The following TRIM46 variants were observed in gnomAD, a reference collection of about 807,000 sequenced individuals.
TRIM46 encodes the protein tripartite motif-containing protein 46.
In TRIM46, 17 loss-of-function variants were observed where a neutral mutation model predicts 69.7. The ratio of observed to expected loss-of-function variants is 0.24; its 90% CI spans 0.17 to 0.37. TRIM46 has a LOEUF of 0.37. Among genes scored for constraint, TRIM46 ranks in the 10% least tolerant of loss-of-function variants. TRIM46 has a pLI of 1.00. For missense variants in TRIM46, 675 were observed against 1,025.1 expected, an observed-to-expected ratio of 0.66 and a Z score of 4.66; for synonymous variants, 391 against 429.0, an observed-to-expected ratio of 0.91 and a Z score of 1.09.
In TRIM46 at chr1:155,175,671, G is replaced by A. The variant is rs764525452; in HGVS notation, c.325+24G>A. 1.2e-6 allele frequency: 2 copies of A among 1,612,900 alleles called. No individual in the cohort carries two copies. The highest frequency in any genetic ancestry group is 2.2e-5 in the South Asian group (2 of 91,086). On this transcript the variant is annotated intron_variant, in intron 2 of 9. Coordinates refer to ENST00000334634, the MANE Select transcript of TRIM46 (RefSeq NM_025058.5). This position sits in a 1 kb window ranked among gnomAD's most constrained non-coding sequence, Gnocchi z 4.2. ...AGGTGGGACTGGGGCCTGTAGGGTG[G>A]GGATGGGAACGCTGAGCTATTCATC...
At chr1:155,174,825 G>T in intron 1 of TRIM46, 1 of 1,438,500 alleles carries the variant, frequency 7.0e-7, no homozygotes. Context: ...TGGGGGCGAA[G>T]GGGAATGGGT....
chr1:155,174,822 G>A (rs962740471), intron 1 of TRIM46: 3 of 1,438,180 alleles, frequency 2.1e-6, no homozygotes, highest in Non-Finnish European at 2.7e-6. Context: ...TGATGGGGGC[G>A]AAGGGGAATG....
intron 5 of TRIM46, 67 bp from the exon 6 acceptor site, chr1:155,177,935 G>C: frequency 2.5e-6 from 4 of 1,571,768 alleles, no homozygotes; most frequent in South Asian, 1.2e-5. Flanking sequence ...AAGGAGGCCA[G>C]CACAAGTGCT....
chr1:155,182,949 C>A (rs1666280599), intron 9 of TRIM46: 2 of 135,504 alleles, frequency 1.5e-5, no homozygotes, highest in Non-Finnish European at 3.1e-5. Flanking sequence ...CTCGCTCTGT[C>A]GCTCAGGCTG....
At position 155,177,958 on chromosome 1, in the gene TRIM46, AAGATAGT is replaced by A. The variant is rs1393734908; in HGVS notation, c.910-42_910-36del. ...CAGCACAAGTGCTGCCTCCAAAAAG[AAGATAGT>A]AAGTCACGCATCCTTTGGGTGTTGC... On this transcript the variant is annotated intron_variant, in intron 5 of 9. Transcript: ENST00000334634. The A allele has an allele frequency of 3.8e-6, 6 of 1,594,440 alleles. No homozygotes were observed. In the African/African-American group the frequency reaches 8.1e-5, roughly 21 times the overall value.
rs1190522245 is a variant in TRIM46 at position 155,182,278 on chromosome 1, C to G, written c.1886+129C>G. 8.0e-6 allele frequency: 9 copies of G among 1,126,638 alleles called. No homozygotes were observed. In the African/African-American group the frequency reaches 1.4e-4, roughly 18 times the overall value. The allele number at this position is 1,126,638 out of a possible 1,614,324, so 69.8% of individuals were successfully genotyped here. The stretch of plus-strand genomic sequence containing the variant: ...GGGGATTAGGAGGAAGTAGTAGGAG[C>G]CTGGAAGCCAGGCTGGGAGGCCTGT... On this transcript the variant is annotated intron_variant, in intron 9 of 9. Transcript: ENST00000334634.
chr1:155,184,052 G>A lies in TRIM46; in HGVS notation c.2142G>A (p.Leu714=), dbSNP rs1483159382. Residue 714 remains leucine, a synonymous_variant, in exon 10 of 10, where the codon TTG becomes TTA. Transcript: ENST00000334634. This position sits in a 1 kb window ranked among gnomAD's most constrained non-coding sequence, Gnocchi z 5.6. ...FLDAVSFRGL[L]ECPLDCSGPV... ...ATGCTGTTTCCTTCCGTGGGCTCTT[G>A]GAGTGCCCCCTGGACTGCTCAGGGC... The A allele has an allele frequency of 6.2e-7, 1 of 1,614,140 alleles. No homozygotes were observed.
At chr1:155,179,231 T>G (rs1665950597) in intron 7 of TRIM46, among the ~76,000 whole-genome samples, 1 of 152,156 alleles carries the variant, frequency 6.6e-6, no homozygotes. Context: ...TGGGCTCCAG[T>G]GGCCTTTGCC....
In TRIM46 at chr1:155,182,100, A is replaced by G. The variant is rs765012343; in HGVS notation, c.1837A>G (p.Ser613Gly). ...GGTCAAGGTGGGCGTCGGGCTGGAG[A>G]GCAAGCTTCAAGAAAGTTTCCAGGG... The part of the protein sequence containing the change: ...YLVKVGVGLE[S>G]KLQESFQGAP... Residue 613 changes from serine to glycine, a missense_variant, in exon 9 of 10, where the codon AGC (serine) becomes GGC (glycine). By Grantham distance (56) the Ser-to-Gly change is moderately conservative (BLOSUM62 0). Coordinates refer to ENST00000334634, the MANE Select transcript of TRIM46 (RefSeq NM_025058.5). The G allele has an allele frequency of 6.2e-7, 1 of 1,613,946 alleles. No homozygotes were observed.
intron 1 of TRIM46, chr1:155,174,773 C>A: frequency 3.4e-6 from 5 of 1,457,432 alleles, no homozygotes; most frequent in Non-Finnish European, 4.5e-6. Context: ...AAGGGGGTGC[C>A]GCTGACCGGG....
In TRIM46 at chr1:155,177,029, G is replaced by T; in HGVS notation, c.767G>T (p.Ser256Ile). 6.2e-7 allele frequency: 1 copy of T among 1,614,208 alleles called. No individual in the cohort carries two copies. The highest frequency in any genetic ancestry group is 8.5e-7 in the Non-Finnish European group (1 of 1,180,018). The part of the protein sequence containing the change: ...CQLCRVRRTH[S>I]GHKITPVLSA... ...CTCTGCCGGGTGCGGCGCACCCACA[G>T]CGGGCACAAGATCACACCAGTGCTC... Residue 256 changes from serine to isoleucine, a missense_variant, in exon 4 of 10, where the codon AGC becomes ATC. This residue lies in a region of TRIM46 where 361 missense variants were observed against 498.3 expected (regional missense o/e 0.72). Coordinates refer to ENST00000334634, the MANE Select transcript of TRIM46 (RefSeq NM_025058.5).
At chr1:155,174,676 C>A in intron 1 of TRIM46, 1 of 1,453,690 alleles carries the variant, frequency 6.9e-7, no homozygotes, top group Admixed American at 2.6e-5. Flanking sequence ...CCTGAGGACC[C>A]CCACTCTCGC....
Position 155,176,980 on chromosome 1 carries a change from A to G in TRIM46, c.718A>G (p.Thr240Ala). The G allele has an allele frequency of 6.2e-7, 1 of 1,614,212 alleles. No individual in the cohort carries two copies. Among genetic ancestry groups the G allele is most frequent in the Non-Finnish European group, 8.5e-7 (1 of 1,180,016 alleles). ...HKEEVTHYCK[T>A]CQRLVCQLCR... Reference sequence around the variant, plus strand: ...GGAAGAGGTGACCCACTACTGCAAGACATGCCAACGCCTGGTATGTCAACT... The same window carrying G: ...GGAAGAGGTGACCCACTACTGCAAGGCATGCCAACGCCTGGTATGTCAACT... Residue 240 changes from threonine (T) to alanine (A), a missense_variant, in exon 4 of 10, where the codon ACA (threonine) becomes GCA (alanine). By Grantham distance (58) the Thr-to-Ala change is moderately conservative (BLOSUM62 0). Transcript: ENST00000334634.
intron 7 of TRIM46, chr1:155,178,873 C>T (rs1412266291): frequency 9.2e-6 from 13 of 1,410,936 alleles, no homozygotes; most frequent in Non-Finnish European, 1.0e-5. Flanking sequence ...GCCCCGGGGG[C>T]CCTGCCCGCC....
At chr1:155,174,609 CT>C in intron 1 of TRIM46, 1 of 1,529,394 alleles carries the variant, frequency 6.5e-7, no homozygotes, top group Non-Finnish European at 8.7e-7. Flanking sequence ...AGCTGCGCCC[CT>C]GACCGGGATG....
At position 155,183,410 on chromosome 1, in the gene TRIM46, C is replaced by T. The variant is rs546131879; in HGVS notation, c.1887-387C>T. Among the ~76,000 whole-genome samples, 10 of 152,146 alleles carry T rather than the reference C, an allele frequency of 6.6e-5. No homozygotes were observed. The South Asian group carries it at 1.9e-3, about 28-fold the overall frequency. ...TCCACCCTCATCTCTCTCCCGACAC[C>T]CACCTTCCCAACATCCTTTCTCTTC... is the stretch of plus-strand genomic sequence containing the variant. On this transcript the variant is annotated intron_variant, in intron 9 of 9. Transcript: ENST00000334634.
At position 155,177,238 on chromosome 1, in the gene TRIM46, A is replaced by G. The variant is rs1159779476; in HGVS notation, c.857A>G (p.Asp286Gly). Residue 286 changes from aspartate (D) to glycine (G), a missense_variant, in exon 5 of 10, where the codon GAC becomes GGC. Around this residue, in one of 5 missense-constraint regions of TRIM46, gnomAD observed 361 missense variants for 498.3 expected, o/e 0.72. Coordinates refer to ENST00000334634, the MANE Select transcript of TRIM46 (RefSeq NM_025058.5). ...CTGACATACATCCTGGGAAACCAGG[A>G]CACGGTACAGACCCAGATCTGTGAG... ...KSLTYILGNQDTVQTQICELE... is the reference protein window; with the variant it reads ...KSLTYILGNQGTVQTQICELE... 2 of 1,614,052 alleles carry G rather than the reference A, an allele frequency of 1.2e-6. No homozygotes were observed. The highest frequency in any genetic ancestry group is 1.7e-6 in the Non-Finnish European group (2 of 1,180,026).
intron 4 of TRIM46, 33 bp from the exon 5 acceptor site, chr1:155,177,162 G>T: frequency 6.2e-7 from 1 of 1,614,012 alleles, no homozygotes; most frequent in South Asian, 1.1e-5. Flanking sequence ...CTGCAGAGCT[G>T]GGCTTGATGC....
chr1:155,174,818 G>A lies in TRIM46; in HGVS notation c.64-568G>A, dbSNP rs1055273963. The A allele has an allele frequency of 5.6e-6, 8 of 1,438,622 alleles. No individual in the cohort carries two copies. The African/African-American group carries it at 1.0e-4, about 18-fold the overall frequency. 89.1% of individuals were successfully genotyped at this position (1,438,622 alleles called of 1,614,324 possible). ...GGGAGAGGGCGGGAGGGCCTGATGG[G>A]GGCGAAGGGGAATGGGTTGGTAAGA... is the stretch of plus-strand genomic sequence containing the variant. On this transcript the variant is annotated intron_variant, in intron 1 of 9. Coordinates refer to ENST00000334634, the MANE Select transcript of TRIM46 (RefSeq NM_025058.5).
Sources: gnomAD v4.1 joint callset for allele counts (sites outside exome capture counted in the v4.1 genomes callset) on GRCh38, gnomAD v4.1.1 for gene constraint, gnomAD v4.1.1 regional missense constraint, Gnocchi (gnomAD v3.1) non-coding constraint, MANE v1.5 for transcripts, NCBI Gene and HGNC (gene_info 2026-07-23, HGNC 2026-07-21) for gene names.